The following CD34 variants were observed in gnomAD, a reference collection of about 807,000 sequenced individuals.
The protein encoded by CD34 is hematopoietic progenitor cell antigen CD34.
CD34 carries 34 observed loss-of-function variants against 40.1 expected under a neutral mutation model. The ratio of observed to expected loss-of-function variants is 0.85; its 90% CI spans 0.65 to 1.13. CD34 has a LOEUF of 1.13. Ranked by LOEUF, CD34 falls within the 50% of genes most tolerant of loss-of-function variation. The pLI, the probability that CD34 is intolerant of heterozygous loss-of-function variation, is 0.00. For synonymous variants in CD34, 209 were observed against 190.0 expected (o/e 1.10, Z -0.82); for missense variants, 426 against 466.9 (o/e 0.91, Z 0.81).
At chr1:207,910,476 C>A (rs1378033887) in intron 1 of CD34, among the ~76,000 whole-genome samples, 1 of 152,166 alleles carries the variant, frequency 6.6e-6, no homozygotes, top group Non-Finnish European at 1.5e-5. Context: ...CACCCCTGGC[C>A]TGGGACCTGG....
At chr1:207,888,227 G>T in intron 7 of CD34, 1 of 1,157,150 alleles carries the variant, frequency 8.6e-7, no homozygotes, top group Non-Finnish European at 1.3e-6. Flanking sequence ...GACCTCCCCA[G>T]GGTAGGGGAC....
At chr1:207,888,331 G>A (rs1363481982) in intron 7 of CD34, among the ~76,000 whole-genome samples, 1 of 152,236 alleles carries the variant, frequency 6.6e-6, no homozygotes, top group Non-Finnish European at 1.5e-5. Context: ...TTTTGAGCAA[G>A]GGGGCACCCA....
In CD34 at chr1:207,891,753, C is replaced by T. The variant is rs1219226585; in HGVS notation, c.598-2132G>A. ...TATATTAACTCATTTAGGCCTCACA[C>T]GACCTACGAGATTGGTAGAGTTATT... On this transcript the variant is annotated intron_variant, in intron 4 of 7. Transcript: ENST00000310833. Among the ~76,000 whole-genome samples, 3 of 151,034 alleles carry T rather than the reference C, an allele frequency of 2.0e-5. 1 individual carries two copies. Among genetic ancestry groups the T allele is most frequent in the South Asian group, 4.2e-4 (2 of 4,718 alleles).
In CD34 at chr1:207,887,220, G is replaced by A. The variant is rs1661919733; in HGVS notation, c.*518C>T. On this transcript the variant is annotated 3_prime_UTR_variant, in exon 8 of 8. Transcript: ENST00000310833. ...CACAGTGTCTTGGAGGAGAGATGAG[G>A]GAAGTGGTTCAAGGCAACACGTTTT... The A allele has an allele frequency of 6.4e-6, 1 of 155,678 alleles. No individual in the cohort carries two copies. The highest frequency in any genetic ancestry group is 2.0e-4 in the South Asian group (1 of 5,034). The allele number at this position is 155,678 out of a possible 1,614,324, so 9.6% of individuals were successfully genotyped here. A position where few individuals can be genotyped will look rare whatever the true frequency, so the allele number is the denominator to read the frequency against.
rs1661826545 is a variant in CD34 at position 207,882,479 on chromosome 1, T to G, written c.*5259A>C. 1 of 152,156 alleles carries G rather than the reference T, an allele frequency of 6.6e-6. No homozygotes were observed. The highest frequency in any genetic ancestry group is 2.4e-5 in the African/African-American group (1 of 41,416). The allele number at this position is 152,156 out of a possible 1,614,324, so 9.4% of individuals were successfully genotyped here. On this transcript the variant is annotated 3_prime_UTR_variant, in exon 8 of 8. Transcript: ENST00000310833. The stretch of plus-strand genomic sequence containing the variant: ...GGTAATACCAAGAACCAGGAAAATC[T>G]CAATTTGATTGAGAAAAAACCATTA...
rs2102292224 is a variant in CD34 at position 207,884,871 on chromosome 1, T to A, written c.*2867A>T. On this transcript the variant is annotated 3_prime_UTR_variant, in exon 8 of 8. Transcript: ENST00000310833. ...CCTAGGATAGCTTATGTTGATGAAATGCTCCAGAAGTGAAGTCCCAAACCT... is the reference window on the plus strand; with the variant it reads ...CCTAGGATAGCTTATGTTGATGAAAAGCTCCAGAAGTGAAGTCCCAAACCT... 1 of 152,262 alleles carries A rather than the reference T, an allele frequency of 6.6e-6. No individual in the cohort carries two copies. The highest frequency in any genetic ancestry group is 2.4e-5 in the African/African-American group (1 of 41,524). 9.4% of individuals were successfully genotyped at this position (152,262 alleles called of 1,614,324 possible). A position where few individuals can be genotyped will look rare whatever the true frequency, so the allele number is the denominator to read the frequency against.
At chr1:207,889,032 G>A (rs1026710016) in intron 6 of CD34, 129 bp downstream of exon 6, 86 of 873,340 alleles carry the variant, frequency 9.8e-5, no homozygotes, top group Non-Finnish European at 4.9e-5. Context: ...TTTGGTTCAA[G>A]ACTAGAAAGG....
chr1:207,909,679 T>C (rs1662459482), intron 1 of CD34, among the ~76,000 whole-genome samples: 1 of 152,204 alleles, frequency 6.6e-6, no homozygotes, highest in Non-Finnish European at 1.5e-5. Flanking sequence ...AGTGCTGGGA[T>C]TGCAAGCGTG....
At chr1:207,889,269 C>T (rs1661978599) in intron 5 of CD34, 56 bp from the exon 6 acceptor site, 2 of 1,613,356 alleles carry the variant, frequency 1.2e-6, no homozygotes, top group Non-Finnish European at 1.7e-6. Flanking sequence ...TATCCTGCTC[C>T]ACCCTCCCAT....
At chr1:207,901,103 C>G (rs981458532) in intron 1 of CD34, among the ~76,000 whole-genome samples, 5 of 151,460 alleles carry the variant, frequency 3.3e-5, no homozygotes, top group Non-Finnish European at 7.4e-5. Context: ...CTCCTGGCCT[C>G]AAGTGATCCT....
intron 3 of CD34, among the ~76,000 whole-genome samples, chr1:207,898,067 A>ATTTC (rs1662189170): frequency 6.8e-6 from 1 of 147,382 alleles, no homozygotes; most frequent in South Asian, 2.2e-4. Flanking sequence ...TTATTTATTT[A>ATTTC]TTTTGAGATC....
Position 207,887,595 on chromosome 1 carries a change from C to T in CD34, c.*143G>A. The T allele has an allele frequency of 1.7e-6, 2 of 1,183,110 alleles. No individual in the cohort carries two copies. The highest frequency in any genetic ancestry group is 2.6e-5 in the East Asian group (1 of 39,148). The allele number at this position is 1,183,110 out of a possible 1,614,324, so 73.3% of individuals were successfully genotyped here. A position where few individuals can be genotyped will look rare whatever the true frequency, so the allele number is the denominator to read the frequency against. ...ACCTGCCCCTCCTCAAGGTGTAGGGCCCCAAGAACAGCCTCTGAGGTGTGT... is the reference window on the plus strand; with the variant it reads ...ACCTGCCCCTCCTCAAGGTGTAGGGTCCCAAGAACAGCCTCTGAGGTGTGT... On this transcript the variant is annotated 3_prime_UTR_variant, in exon 8 of 8. Coordinates refer to ENST00000310833, the MANE Select transcript of CD34 (RefSeq NM_001025109.2).
In CD34 at chr1:207,899,223, G is replaced by A. The variant is rs755837615; in HGVS notation, c.266C>T (p.Thr89Met). The A allele has an allele frequency of 2.1e-5, 34 of 1,613,790 alleles. No homozygotes were observed. Among genetic ancestry groups the A allele is most frequent in the Middle Eastern group, 3.3e-4 (2 of 6,078 alleles). ...AGAGGTAGATGTGAATTTGACTGTCGTTTCTGGAAGAGACCAAAACATGGG... is the reference window on the plus strand; with the variant it reads ...AGAGGTAGATGTGAATTTGACTGTCATTTCTGGAAGAGACCAAAACATGGG... ...GNEATTNITE[T>M]TVKFTSTSVI... Residue 89 changes from threonine to methionine, a missense_variant, in exon 3 of 8, where the codon ACG becomes ATG. Thr to Met is a moderately conservative substitution (Grantham distance 81, BLOSUM62 -1). Transcript: ENST00000310833.
At chr1:207,907,490 T>G (rs915072735) in intron 1 of CD34, among the ~76,000 whole-genome samples, 2 of 152,206 alleles carry the variant, frequency 1.3e-5, no homozygotes, top group Admixed American at 1.3e-4. Context: ...TCTTAAGACA[T>G]TTTCTTAAAT....
rs746540053 is a variant in CD34 at position 207,911,034 on chromosome 1, C to T, written c.47G>A (p.Gly16Asp). 2 of 1,593,580 alleles carry T rather than the reference C, an allele frequency of 1.3e-6. No individual in the cohort carries two copies. Among genetic ancestry groups the T allele is most frequent in the South Asian group, 1.1e-5 (1 of 88,648 alleles). ...ACTCAGCAAGCAAAGCGCGGTCCAG[C>T]CCCGCGGCATCCTGGGCCCTGCGCG... Reference protein sequence around the residue: ...GARAGPRMPRGWTALCLLSLL... With the variant: ...GARAGPRMPRDWTALCLLSLL... Residue 16 changes from glycine to aspartate, a missense_variant, in exon 1 of 8, where the codon GGC becomes GAC. Transcript: ENST00000310833.
In CD34 at chr1:207,897,361, A is replaced by G. The variant is rs969940625; in HGVS notation, c.597+132T>C. On this transcript the variant is annotated intron_variant, in intron 4 of 7. Transcript: ENST00000310833. Reference sequence around the variant, plus strand: ...AAACAGAAAGCTCAGTATTAAAGGCAGGCTGACCAAGCTAAACTCCCCGGA... The same window carrying G: ...AAACAGAAAGCTCAGTATTAAAGGCGGGCTGACCAAGCTAAACTCCCCGGA... 2.5e-5 allele frequency: 16 copies of G among 641,668 alleles called. No homozygotes were observed. The East Asian group carries it at 3.8e-4, about 15-fold the overall frequency. The allele number at this position is 641,668 out of a possible 1,614,324, so 39.7% of individuals were successfully genotyped here. A position where few individuals can be genotyped will look rare whatever the true frequency, so the allele number is the denominator to read the frequency against.
At position 207,893,677 on chromosome 1, in the gene CD34, A is replaced by T. The variant is rs572195218; in HGVS notation, c.597+3816T>A. 1.9e-4 allele frequency among the ~76,000 whole-genome samples: 29 copies of T among 152,352 alleles called. 1 individual carries two copies. In the Middle Eastern group the frequency reaches 0.01, roughly 54 times the overall value. ...AGATGAAGTCAATGTGAATAAGAGT[A>T]AAGTGAGCTAGCTGAGTAATTACAA... On this transcript the variant is annotated intron_variant, in intron 4 of 7. Transcript: ENST00000310833.
chr1:207,903,391 T>A (rs901129563), intron 1 of CD34, among the ~76,000 whole-genome samples: 1 of 152,162 alleles, frequency 6.6e-6, no homozygotes, highest in Admixed American at 6.5e-5. Context: ...AAACCTCCAC[T>A]CTTTTTCATT....
chr1:207,905,548 A>C (rs1166357704), intron 1 of CD34, among the ~76,000 whole-genome samples: 1 of 152,232 alleles, frequency 6.6e-6, no homozygotes, highest in Non-Finnish European at 1.5e-5. Context: ...TTATAGAAAA[A>C]GTTTGCTGAC....
Sources: allele counts gnomAD v4.1 joint callset (sites outside exome capture counted in the v4.1 genomes callset), GRCh38; gene constraint gnomAD v4.1.1; transcripts MANE v1.5; gene names NCBI Gene and HGNC (gene_info 2026-07-23, HGNC 2026-07-21).